Variants in ALMS1 observed in about 807,000 individuals in gnomAD.
ALMS1 encodes the protein ALMS1 centrosome and basal body associated protein.
Under a neutral mutation model 352.2 loss-of-function variants are expected in ALMS1, and 271 were observed. That is an observed-to-expected ratio of 0.77 (90% confidence interval 0.70 to 0.85). The LOEUF is 0.85. Ranked by LOEUF, ALMS1 falls within the 40% of genes least tolerant of loss-of-function variation. The pLI is 0.00. For missense variants in ALMS1, 5,445 were observed against 4,870.7 expected (o/e 1.12, Z -3.51); for synonymous variants, 1,865 against 1,761.2 (o/e 1.06, Z -1.48).
At chr2:73,579,633 T>A (rs1212392426) in intron 16 of ALMS1, among the ~76,000 whole-genome samples, 1 of 152,230 alleles carries the variant, frequency 6.6e-6, no homozygotes, top group East Asian at 1.9e-4. Flanking sequence ...GTCTCCTTTA[T>A]TCTTAAAGTT....
intron 9 of ALMS1, among the ~76,000 whole-genome samples, chr2:73,477,392 G>A (rs1224391552): frequency 6.6e-6 from 1 of 151,898 alleles, no homozygotes; most frequent in Non-Finnish European, 1.5e-5. Flanking sequence ...TTGTAGCTTT[G>A]GAGTAAGTTT....
rs78449890 is a variant in ALMS1, at chr2:73,496,527, A to C, written c.9539+5029A>C. Among the ~76,000 whole-genome samples, 882 of 152,120 alleles carry C rather than the reference A, an allele frequency of 5.8e-3. 13 individuals are homozygous for C. Among genetic ancestry groups the C allele is most frequent in the African/African-American group, 0.021 (853 of 41,562 alleles). ...TTGTTTCTAGTTTGGGACCATTAAA[A>C]TTAGAACTGCTGTAAACATTTATAT... On this transcript the variant is annotated intron_variant, in intron 10 of 22. Coordinates refer to ENST00000613296, the MANE Select transcript of ALMS1 (RefSeq NM_001378454.1).
At chr2:73,533,186 G>T (rs944633654) in intron 11 of ALMS1, among the ~76,000 whole-genome samples, 1 of 152,244 alleles carries the variant, frequency 6.6e-6, no homozygotes, top group East Asian at 1.9e-4. Context: ...CTAGGTTTGG[G>T]TATGGAGTGG....
At chr2:73,426,581 A>G in intron 6 of ALMS1, 28 bp downstream of exon 6, 1 of 1,603,498 alleles carries the variant, frequency 6.2e-7, no homozygotes, top group South Asian at 1.1e-5. Context: ...GATAGTTGTA[A>G]GAAACGTGGC....
At position 73,422,934 on chromosome 2, in the gene ALMS1, T is replaced by C. The variant is rs1671312131; in HGVS notation, c.724T>C (p.Ser242Pro). Residue 242 changes from serine to proline, a missense_variant, in exon 4 of 23, where the codon TCT becomes CCT. Ser to Pro is a moderately conservative substitution (Grantham distance 74, BLOSUM62 -1). Transcript: ENST00000613296. ...ACAAGACCAAGAATTTGCGCCTGAT[T>C]CTTTATTTCATCAAAGTGAACTAAG... The part of the protein sequence containing the change: ...LTQDQEFAPD[S>P]LFHQSELSFA... 6.2e-7 allele frequency: 1 copy of C among 1,613,622 alleles called. No homozygotes were observed. Among genetic ancestry groups the C allele is most frequent in the South Asian group, 1.1e-5 (1 of 91,082 alleles).
intron 9 of ALMS1, among the ~76,000 whole-genome samples, chr2:73,464,630 C>G (rs1672288374): frequency 6.6e-6 from 1 of 152,046 alleles, no homozygotes; most frequent in African/African-American, 2.4e-5. Flanking sequence ...AAAGGGTATT[C>G]AATTAGGAAA....
intron 6 of ALMS1, among the ~76,000 whole-genome samples, chr2:73,429,215 A>G (rs1402966611): frequency 1.3e-5 from 2 of 150,070 alleles, no homozygotes; most frequent in African/African-American, 4.9e-5. Flanking sequence ...GTGGTTTCCT[A>G]CTTTCTATCA....
chr2:73,555,502 T>G (rs563720962), intron 13 of ALMS1, among the ~76,000 whole-genome samples: 2 of 152,264 alleles, frequency 1.3e-5, no homozygotes, highest in South Asian at 2.1e-4. Flanking sequence ...GATAACTAAG[T>G]TTTTAGAATT....
intron 2 of ALMS1, among the ~76,000 whole-genome samples, chr2:73,410,723 C>T (rs191247877): frequency 1.3e-5 from 2 of 152,108 alleles, no homozygotes; most frequent in East Asian, 1.9e-4. Flanking sequence ...TTTTCTAGAA[C>T]ATAGTTATAA....
At position 73,448,045 on chromosome 2, in the gene ALMS1, T is replaced by C; in HGVS notation, c.1518T>C (p.Ile506=). 7 of 1,613,992 alleles carry C rather than the reference T, an allele frequency of 4.3e-6. No individual in the cohort carries two copies. The highest frequency in any genetic ancestry group is 5.9e-6 in the Non-Finnish European group (7 of 1,179,900). Reference sequence around the variant, plus strand: ...CTACCACTCCTGTTGATTCAGACATTGGATCTCATTTATCCTTGTCCCTTG... The same window carrying C: ...CTACCACTCCTGTTGATTCAGACATCGGATCTCATTTATCCTTGTCCCTTG... ...GITTTPVDSD[I]GSHLSLSLED... Residue 506 remains isoleucine (I), a synonymous_variant, in exon 8 of 23, where the codon ATT becomes ATC. Transcript: ENST00000613296.
chr2:73,416,293 C>A (rs1056306816), intron 2 of ALMS1, among the ~76,000 whole-genome samples: 1 of 152,110 alleles, frequency 6.6e-6, no homozygotes, highest in East Asian at 1.9e-4. Context: ...AAGCATGTTT[C>A]CAGTAGCAAT....
At chr2:73,393,303 A>C (rs1481266858) in intron 1 of ALMS1, among the ~76,000 whole-genome samples, 1 of 152,010 alleles carries the variant, frequency 6.6e-6, no homozygotes, top group Non-Finnish European at 1.5e-5. Context: ...TATTACATGT[A>C]GGTCTTTGAT....
chr2:73,410,914 A>T (rs1466252244), intron 2 of ALMS1, among the ~76,000 whole-genome samples: 2 of 152,100 alleles, frequency 1.3e-5, no homozygotes, highest in Non-Finnish European at 2.9e-5. Flanking sequence ...TACCTGTTAG[A>T]TGCAAGATAT....
At chr2:73,506,269 G>T (rs778547836) in intron 10 of ALMS1, among the ~76,000 whole-genome samples, 1 of 152,032 alleles carries the variant, frequency 6.6e-6, no homozygotes, top group Non-Finnish European at 1.5e-5. Context: ...GTGGCTATAC[G>T]GGCTCTTTTT....
chr2:73,498,614 A>G (rs754658629), intron 10 of ALMS1, among the ~76,000 whole-genome samples: 6 of 151,962 alleles, frequency 3.9e-5, no homozygotes, highest in African/African-American at 7.3e-5. Context: ...CTCTATGTCC[A>G]TGAGTTCAAT....
chr2:73,537,702 G>T (rs79760953), intron 12 of ALMS1, among the ~76,000 whole-genome samples: 1 of 152,092 alleles, frequency 6.6e-6, no homozygotes, highest in East Asian at 1.9e-4. Context: ...CAGAGTTGGC[G>T]CATTGTATTA....
chr2:73,461,909 A>C (rs1241280738), intron 9 of ALMS1, among the ~76,000 whole-genome samples: 1 of 152,148 alleles, frequency 6.6e-6, no homozygotes, highest in Non-Finnish European at 1.5e-5. Context: ...TAGAGAAAAA[A>C]GAATAAAAAG....
At chr2:73,387,435 C>G (rs926919508) in intron 1 of ALMS1, among the ~76,000 whole-genome samples, 3 of 152,114 alleles carry the variant, frequency 2.0e-5, no homozygotes, top group African/African-American at 7.2e-5. Context: ...GTTGGGAAAG[C>G]CTTCTTGAGG....
intron 10 of ALMS1, among the ~76,000 whole-genome samples, chr2:73,491,857 C>T (rs1490045418): frequency 6.6e-6 from 1 of 152,292 alleles, no homozygotes; most frequent in East Asian, 1.9e-4. Flanking sequence ...TACATGGGTG[C>T]TTGGTCACTC....
Sources: gnomAD v4.1 joint callset for allele counts (sites outside exome capture counted in the v4.1 genomes callset) on GRCh38, gnomAD v4.1.1 for gene constraint, MANE v1.5 for transcripts, NCBI Gene and HGNC (gene_info 2026-07-23, HGNC 2026-07-21) for gene names.